The following COBLL1 variants were observed in gnomAD, a reference collection of about 807,000 sequenced individuals.
COBLL1 encodes the protein cordon-bleu protein-like 1.
Under a neutral mutation model 94.8 loss-of-function variants are expected in COBLL1, and 50 were observed. That is an observed-to-expected ratio of 0.53 (90% CI 0.42 to 0.67). The LOEUF is 0.67. Ranked by LOEUF, COBLL1 falls within the 30% of genes least tolerant of loss-of-function variation. The pLI is 0.00. For synonymous variants in COBLL1, 448 were observed against 473.8 expected (o/e 0.95, Z 0.71); for missense variants, 1,362 against 1,348.7 (o/e 1.01, Z -0.15).
intron 2 of COBLL1, among the ~76,000 whole-genome samples, chr2:164,822,979 G>A (rs1685253025): frequency 6.6e-6 from 1 of 151,806 alleles, no homozygotes; most frequent in African/African-American, 2.4e-5. Flanking sequence ...ATGTTGGCCG[G>A]GCTGGTGAAA....
At chr2:164,816,862 G>A (rs906136836) in intron 2 of COBLL1, among the ~76,000 whole-genome samples, 8 of 152,136 alleles carry the variant, frequency 5.3e-5, no homozygotes, top group African/African-American at 1.7e-4. Context: ...TTTGTACCAC[G>A]AGTAGAAGTC....
chr2:164,716,544 T>G (rs1466842000), intron 7 of COBLL1, among the ~76,000 whole-genome samples: 1 of 152,164 alleles, frequency 6.6e-6, no homozygotes, highest in African/African-American at 2.4e-5. Flanking sequence ...ATTTAGGGAT[T>G]TGAAAGGATA....
At chr2:164,780,737 T>C (rs1361658582) in intron 2 of COBLL1, among the ~76,000 whole-genome samples, 6 of 152,170 alleles carry the variant, frequency 3.9e-5, no homozygotes, top group Non-Finnish European at 5.9e-5. Flanking sequence ...AACCAAATAA[T>C]GTTTGCCCTG....
chr2:164,705,362 G>A (rs1684533094), intron 7 of COBLL1: 4 of 308,204 alleles, frequency 1.3e-5, no homozygotes, highest in Non-Finnish European at 2.3e-5. Context: ...TAACTGTAAT[G>A]TAGAGGACTC....
chr2:164,799,448 A>C (rs1165009635), intron 2 of COBLL1, among the ~76,000 whole-genome samples: 1 of 152,214 alleles, frequency 6.6e-6, no homozygotes, highest in African/African-American at 2.4e-5. Context: ...ACATAGATGA[A>C]GGAAATCAAA....
chr2:164,692,371 C>A lies in COBLL1; in HGVS notation c.3150G>T (p.Gln1050His). The A allele has an allele frequency of 6.2e-7, 1 of 1,611,486 alleles. No individual in the cohort carries two copies. The highest frequency in any genetic ancestry group is 8.5e-7 in the Non-Finnish European group (1 of 1,178,886). Residue 1050 changes from glutamine (Q) to histidine (H), a missense_variant, in exon 13 of 14, where the codon CAG becomes CAT. Gln to His is a conservative substitution (Grantham distance 24, BLOSUM62 0). Transcript: ENST00000652658. ...DKENNSAHNE[Q>H]NSQIPTPTDG... ...CAGTTGGAGTTGGTATTTGGGAATT[C>A]TGTTCATTATGTGCAGAGTTATTTT...
rs201288773 is a variant in COBLL1 at position 164,694,393 on chromosome 2, C to T, written c.2999G>A (p.Ser1000Asn). 69 of 1,613,978 alleles carry T rather than the reference C, an allele frequency of 4.3e-5. 2 individuals carry two copies. In the East Asian group the frequency reaches 9.8e-4, roughly 23 times the overall value. ...ACTAGGTGACTCGGTGCGCTCTTTA[C>T]TGAAAGACTGTGACCTTTTCACTAC... ...LAVVKRSQSF[S>N]KERTESPSAS... Residue 1000 changes from serine (S) to asparagine (N), a missense_variant, in exon 12 of 14, where the codon AGT becomes AAT. By Grantham distance (46) the Ser-to-Asn change is conservative. Coordinates refer to ENST00000652658, the MANE Select transcript of COBLL1 (RefSeq NM_001365672.2).
intron 3 of COBLL1, among the ~76,000 whole-genome samples, chr2:164,740,687 C>T (rs1177677700): frequency 2.0e-5 from 3 of 152,006 alleles, no homozygotes; most frequent in Non-Finnish European, 2.9e-5. Flanking sequence ...TCTCATGGCT[C>T]TGTGGTTTCT....
At chr2:164,799,687 A>G (rs972296059) in intron 2 of COBLL1, among the ~76,000 whole-genome samples, 14 of 152,346 alleles carry the variant, frequency 9.2e-5, no homozygotes, top group African/African-American at 3.1e-4. Flanking sequence ...ATACAATTCA[A>G]TTTCAAGACA....
In COBLL1 at chr2:164,700,641, T is replaced by G. The variant is rs114787082; in HGVS notation, c.1341A>C (p.Val447=). ...TCAGTGTATTTATTATATCAGTAGA[T>G]ACAAAAGGAATATCTTGTGACTTCG... ...ISPKSQDIPF[V]STDIINTLKN... Residue 447 remains valine (V), a synonymous_variant, in exon 10 of 14, where the codon GTA becomes GTC. Coordinates refer to ENST00000652658, the MANE Select transcript of COBLL1 (RefSeq NM_001365672.2). 1 of 1,613,230 alleles carries G rather than the reference T, an allele frequency of 6.2e-7. No homozygotes were observed. The highest frequency in any genetic ancestry group is 1.1e-5 in the South Asian group (1 of 91,066).
chr2:164,781,307 A>G (rs1466812246), intron 2 of COBLL1, among the ~76,000 whole-genome samples: 2 of 152,220 alleles, frequency 1.3e-5, no homozygotes, highest in Non-Finnish European at 2.9e-5. Flanking sequence ...TGCCTGTGAT[A>G]ACAGTATGTG....
intron 2 of COBLL1, among the ~76,000 whole-genome samples, chr2:164,749,829 A>G (rs965966160): frequency 6.6e-6 from 1 of 152,262 alleles, no homozygotes; most frequent in South Asian, 2.1e-4. Flanking sequence ...CCAATAACCT[A>G]TGAGGGTCCA....
At chr2:164,726,325 A>G (rs1440174372) in intron 5 of COBLL1, among the ~76,000 whole-genome samples, 2 of 152,248 alleles carry the variant, frequency 1.3e-5, no homozygotes, top group Admixed American at 6.5e-5. Context: ...CACATAATAT[A>G]TGCAGTTTGT....
chr2:164,703,002 A>C lies in COBLL1; in HGVS notation c.1225+1442T>G, dbSNP rs954551108. 7.6e-6 allele frequency: 5 copies of C among 657,946 alleles called. No individual in the cohort carries two copies. The African/African-American group carries it at 9.3e-5, about 12-fold the overall frequency. 40.8% of individuals were successfully genotyped at this position (657,946 alleles called of 1,614,324 possible). A position where few individuals can be genotyped will look rare whatever the true frequency, so the allele number is the denominator to read the frequency against. ...AGGGGAAACTTCTCTTTCTTTATAA[A>C]ATATGTTTACACAAGGTTTCAATAG... On this transcript the variant is annotated intron_variant, in intron 9 of 13. Transcript: ENST00000652658.
chr2:164,768,598 A>C (rs768275556), intron 2 of COBLL1, among the ~76,000 whole-genome samples: 2 of 152,094 alleles, frequency 1.3e-5, no homozygotes, highest in Non-Finnish European at 2.9e-5. Flanking sequence ...AATCCCTCTT[A>C]TCTGGGGAAG....
At position 164,826,896 on chromosome 2, in the gene COBLL1, G is replaced by A. The variant is rs10566394; in HGVS notation, c.41+14260C>T. Among the ~76,000 whole-genome samples, 4 of 122,010 alleles carry A rather than the reference G, an allele frequency of 3.3e-5. No homozygotes were observed. The East Asian group carries it at 6.8e-4, about 21-fold the overall frequency. 80.0% of individuals were successfully genotyped at this position (122,010 alleles called of 152,430 possible). ...CTTTAAAGTTTTTTGTCTTTGTTTC[G>A]TTTTTTTTTTTGTTTCTCTCTCTTT... On this transcript the variant is annotated intron_variant, in intron 2 of 13. Transcript: ENST00000652658.
chr2:164,753,872 G>T (rs1687256830), intron 2 of COBLL1, among the ~76,000 whole-genome samples: 1 of 151,670 alleles, frequency 6.6e-6, no homozygotes, highest in Non-Finnish European at 1.5e-5. Flanking sequence ...CTCCTGAGTA[G>T]CTGGAAGTAT....
chr2:164,713,503 C>T (rs954278070), intron 7 of COBLL1, among the ~76,000 whole-genome samples: 1 of 152,106 alleles, frequency 6.6e-6, no homozygotes, highest in African/African-American at 2.4e-5. Context: ...AATACCACCA[C>T]CAACAGTAAC....
At position 164,701,021 on chromosome 2, in the gene COBLL1, C is replaced by A. The variant is rs547165167; in HGVS notation, c.1226-265G>T. ...ACAAGAGGTTATTTAATCTCATAAA[C>A]TTTAAGTTAAATATTTCATTTAAGA... On this transcript the variant is annotated intron_variant, in intron 9 of 13. Coordinates refer to ENST00000652658, the MANE Select transcript of COBLL1 (RefSeq NM_001365672.2). Among the ~76,000 whole-genome samples the A allele has an allele frequency of 6.6e-5, 10 of 152,238 alleles. No individual in the cohort carries two copies. The East Asian group carries it at 1.7e-3, about 26-fold the overall frequency.
Sources: allele counts gnomAD v4.1 joint callset (sites outside exome capture counted in the v4.1 genomes callset), GRCh38; gene constraint gnomAD v4.1.1; transcripts MANE v1.5; gene names NCBI Gene and HGNC (gene_info 2026-07-23, HGNC 2026-07-21).